The following KIN variants were observed in gnomAD, a reference collection of about 807,000 sequenced individuals.
KIN encodes DNA/RNA-binding protein KIN17.
Under a neutral mutation model 63.0 loss-of-function variants are expected in KIN, and 47 were observed. The observed-to-expected ratio is 0.75, with a 90% CI of 0.59 to 0.95. The LOEUF is 0.95. KIN is among the 40% of genes least tolerant of loss of function. KIN has a pLI of 0.00. For synonymous variants in KIN, 160 were observed against 157.7 expected (o/e 1.01, Z -0.11); for missense variants, 408 against 460.9 (o/e 0.89, Z 1.05).
chr10:7,778,802 T>A, intron 5 of KIN, 36 bp downstream of exon 5: 1 of 1,599,944 alleles, frequency 6.3e-7, no homozygotes. Flanking sequence ...TTTAGACCTC[T>A]GGACGTTGCT....
chr10:7,787,977 C>T lies in KIN; in HGVS notation c.-44G>A. ...CACTTTCTGGACCCCAGTACTCAGC[C>T]AGCCGGAAACGGAACCGGGCTGGCG... On this transcript the variant is annotated 5_prime_UTR_variant, in exon 1 of 13. Transcript: ENST00000379562. 6.7e-7 allele frequency: 1 copy of T among 1,486,938 alleles called. No homozygotes were observed. Among genetic ancestry groups the T allele is most frequent in the Non-Finnish European group, 9.4e-7 (1 of 1,064,280 alleles). 92.1% of individuals were successfully genotyped at this position (1,486,938 alleles called of 1,614,324 possible).
At chr10:7,774,082 G>A (rs149836455) in intron 7 of KIN, among the ~76,000 whole-genome samples, 2 of 152,246 alleles carry the variant, frequency 1.3e-5, no homozygotes, top group Admixed American at 6.5e-5. Flanking sequence ...CACTGTCCAT[G>A]GCTGCCTTCT....
chr10:7,778,764 A>G, intron 5 of KIN, 74 bp downstream of exon 5: 1 of 1,485,924 alleles, frequency 6.7e-7, no homozygotes, highest in Non-Finnish European at 9.2e-7. Flanking sequence ...AACAAAAACA[A>G]AAAAGAAAAA....
At chr10:7,758,397 C>T (rs745965657) in intron 12 of KIN, among the ~76,000 whole-genome samples, 9 of 152,122 alleles carry the variant, frequency 5.9e-5, no homozygotes, top group Non-Finnish European at 1.3e-4. Flanking sequence ...AAAAGAAGTA[C>T]ATGTTGCTTT....
intron 7 of KIN, among the ~76,000 whole-genome samples, chr10:7,770,392 T>G (rs1182730785): frequency 6.6e-6 from 1 of 152,260 alleles, no homozygotes; most frequent in Non-Finnish European, 1.5e-5. Flanking sequence ...TCTGAAAATT[T>G]GCACATGCCT....
In KIN at chr10:7,763,282, T is replaced by A. The variant is rs546109471; in HGVS notation, c.918+441A>T. ...GAAATAAAAATAAAAATAAATAAAA[T>A]CCCAGAGTAGCCAAAAGACAGTTTC... On this transcript the variant is annotated intron_variant, in intron 10 of 12. Coordinates refer to ENST00000379562, the MANE Select transcript of KIN (RefSeq NM_012311.4). Among the ~76,000 whole-genome samples the A allele has an allele frequency of 2.0e-5, 3 of 151,948 alleles. No individual in the cohort carries two copies. The South Asian group carries it at 6.3e-4, about 32-fold the overall frequency.
At chr10:7,766,860 A>G (rs990416642) in intron 8 of KIN, among the ~76,000 whole-genome samples, 35 of 151,984 alleles carry the variant, frequency 2.3e-4, no homozygotes, top group African/African-American at 8.2e-4. Flanking sequence ...TGTCTCTACT[A>G]AAAGTACAAA....
chr10:7,781,587 T>TACAC (rs3036327), intron 2 of KIN, among the ~76,000 whole-genome samples: 2,818 of 140,616 alleles, frequency 0.02, 42 homozygotes, highest in South Asian at 0.042. Context: ...ACCCTGTCTC[T>TACAC]ACACACACAC....
At chr10:7,758,571 C>T (rs375212572) in intron 12 of KIN, among the ~76,000 whole-genome samples, 4 of 150,914 alleles carry the variant, frequency 2.7e-5, no homozygotes, top group Non-Finnish European at 5.9e-5. Flanking sequence ...ACAGCCTCAA[C>T]AGTAATCAGT....
intron 1 of KIN, among the ~76,000 whole-genome samples, chr10:7,785,430 G>A (rs1279319278): frequency 6.6e-6 from 1 of 152,052 alleles, no homozygotes; most frequent in Non-Finnish European, 1.5e-5. Context: ...ACAACCAGAG[G>A]AAACAAGTCA....
Position 7,787,803 on chromosome 10 carries a change from A to T in KIN, c.114+17T>A. Reference sequence around the variant, plus strand: ...GGGGCCCTCCTGGGAAGACGGGGCCACTCCGGGCCCACTCACCTCGTCCCG... The same window carrying T: ...GGGGCCCTCCTGGGAAGACGGGGCCTCTCCGGGCCCACTCACCTCGTCCCG... On this transcript the variant is annotated intron_variant, in intron 1 of 12. Transcript: ENST00000379562. The T allele has an allele frequency of 6.3e-7, 1 of 1,582,322 alleles. No homozygotes were observed. The highest frequency in any genetic ancestry group is 8.7e-7 in the Non-Finnish European group (1 of 1,151,566).
chr10:7,757,265 G>A (rs11255341), intron 12 of KIN, among the ~76,000 whole-genome samples: 20,749 of 152,062 alleles, frequency 0.14, 1,539 homozygotes, highest in East Asian at 0.29. Flanking sequence ...TTGGGAGGCC[G>A]AGGCAGGTGG....
At chr10:7,769,016 C>T (rs1564318476) in intron 8 of KIN, among the ~76,000 whole-genome samples, 200 bp downstream of exon 8, 1 of 151,820 alleles carries the variant, frequency 6.6e-6, no homozygotes, top group African/African-American at 2.4e-5. Flanking sequence ...GACTCCATCT[C>T]AAAAAAATAA....
chr10:7,765,946 T>C, intron 9 of KIN, 107 bp downstream of exon 9: 2 of 708,756 alleles, frequency 2.8e-6, no homozygotes, highest in Middle Eastern at 2.9e-4. Flanking sequence ...ACTCTATCTA[T>C]ATAGATTATA....
At chr10:7,769,194 A>C in intron 8 of KIN, 22 bp downstream of exon 8, 1 of 1,592,958 alleles carries the variant, frequency 6.3e-7, no homozygotes, top group South Asian at 1.1e-5. Context: ...TAAGGTGTCC[A>C]CACGCAATCC....
At chr10:7,766,421 G>A in intron 8 of KIN, 1 of 259,206 alleles carries the variant, frequency 3.9e-6, no homozygotes, top group Non-Finnish European at 7.3e-6. Flanking sequence ...GTGACTGTCA[G>A]GAGCTGGAAA....
rs565708400 is a variant in KIN, at chr10:7,751,879, C to CA, written c.*4200dup. ...TAAAAGTAACGATGTACTAAAAATA[C>CA]AAAAAATTAGCCGGGCGCGGTGGCG... On this transcript the variant is annotated 3_prime_UTR_variant, in exon 13 of 13. Coordinates refer to ENST00000379562, the MANE Select transcript of KIN (RefSeq NM_012311.4). The CA allele has an allele frequency of 3.0e-3, 12 of 3,988 alleles. 6 individuals are homozygous for CA. The highest frequency in any genetic ancestry group is 0.011 in the African/African-American group (6 of 528). 0.2% of individuals were successfully genotyped at this position (3,988 alleles called of 1,614,324 possible).
Position 7,787,814 on chromosome 10 carries a change from A to T in KIN, c.114+6T>A, listed in dbSNP as rs1260294683. The T allele has an allele frequency of 6.2e-7, 1 of 1,607,378 alleles. No individual in the cohort carries two copies. Among genetic ancestry groups the T allele is most frequent in the Admixed American group, 1.7e-5 (1 of 60,024 alleles). ...GGGAAGACGGGGCCACTCCGGGCCC[A>T]CTCACCTCGTCCCGGCACTGCTTCT... On this transcript the variant is annotated splice_donor_region_variant and intron_variant, in intron 1 of 12. Coordinates refer to ENST00000379562, the MANE Select transcript of KIN (RefSeq NM_012311.4).
Position 7,787,933 on chromosome 10 carries a change from TG to T in KIN, c.-1del. 6.2e-6 allele frequency: 10 copies of T among 1,607,242 alleles called. No homozygotes were observed. The highest frequency in any genetic ancestry group is 7.7e-6 in the Non-Finnish European group (9 of 1,173,762). The stretch of plus-strand genomic sequence containing the variant: ...GGAGTAAGAAAATCCGACTTCCCCA[TG>T]GCGACCACGGCAGCGATCACTTTCT... On this transcript the variant is annotated 5_prime_UTR_variant, in exon 1 of 13. Coordinates refer to ENST00000379562, the MANE Select transcript of KIN (RefSeq NM_012311.4).
Sources: gnomAD v4.1 joint callset for allele counts (sites outside exome capture counted in the v4.1 genomes callset) on GRCh38, gnomAD v4.1.1 for gene constraint, MANE v1.5 for transcripts, NCBI Gene and HGNC (gene_info 2026-07-23, HGNC 2026-07-21) for gene names.